AKR1B15: variants seen among roughly 807,000 people sequenced by gnomAD.
The protein encoded by AKR1B15 is aldo-keto reductase family 1 member B15.
AKR1B15 carries 49 observed loss-of-function variants against 38.5 expected under a neutral mutation model. That is an observed-to-expected ratio of 1.27 (90% confidence interval 1.01 to 1.62). AKR1B15 has a LOEUF of 1.62. Ranked by LOEUF, AKR1B15 falls within the 40% of genes most tolerant of loss-of-function variation. AKR1B15 has a pLI of 0.00. For synonymous variants in AKR1B15, 137 were observed against 135.5 expected (o/e 1.01, Z -0.08); for missense variants, 411 against 381.6 (o/e 1.08, Z -0.64).
chr7:134,565,218 CT>C (rs1794505463), intron 3 of AKR1B15: 2 of 482,812 alleles, frequency 4.1e-6, no homozygotes, highest in South Asian at 5.4e-5. Context: ...CCTTTAAGAG[CT>C]ACAACGATCA....
intron 8 of AKR1B15, 138 bp downstream of exon 8, chr7:134,576,065 G>T: frequency 7.0e-7 from 1 of 1,427,018 alleles, no homozygotes; most frequent in East Asian, 2.5e-5. Context: ...CACACAAATG[G>T]GATGGCAGTG....
chr7:134,560,166 A>G (rs555213354), intron 2 of AKR1B15, among the ~76,000 whole-genome samples: 7 of 152,172 alleles, frequency 4.6e-5, no homozygotes, highest in Non-Finnish European at 8.8e-5. Flanking sequence ...AAGAGGTGAA[A>G]TCTATTTCCC....
intron 11 of AKR1B15, among the ~76,000 whole-genome samples, chr7:134,578,427 G>T (rs908295456): frequency 6.6e-6 from 1 of 152,148 alleles, no homozygotes; most frequent in African/African-American, 2.4e-5. Context: ...CAAGCAAGAA[G>T]GCCAGGGAGG....
intron 8 of AKR1B15, 71 bp from the exon 9 acceptor site, chr7:134,576,278 T>C: frequency 6.7e-7 from 1 of 1,494,654 alleles, no homozygotes. Flanking sequence ...CTTGAGACCC[T>C]CATTGGAGTG....
rs373327119 is a variant in AKR1B15 at position 134,576,406 on chromosome 7, A to G, written c.801A>G (p.Ala267=). 9 of 1,614,012 alleles carry G rather than the reference A, an allele frequency of 5.6e-6. No homozygotes were observed. Among genetic ancestry groups the G allele is most frequent in the African/African-American group, 1.3e-5 (1 of 74,922 alleles). Residue 267 remains alanine, a synonymous_variant, in exon 9 of 12, where the codon GCA becomes GCG. Coordinates refer to ENST00000457545, the MANE Select transcript of AKR1B15 (RefSeq NM_001080538.3). ...ATCCCAAGATTAAGGAGATTGCTGCAAAGCACAAAAAAACCACAGCCCAGG... is the reference window on the plus strand; with the variant it reads ...ATCCCAAGATTAAGGAGATTGCTGCGAAGCACAAAAAAACCACAGCCCAGG... The part of the protein sequence containing the change: ...LEDPKIKEIA[A]KHKKTTAQVL...
chr7:134,562,853 T>TCTTTCTTTCTTTCTTTCTTTCTTTCTTA (rs1794442585), intron 2 of AKR1B15, among the ~76,000 whole-genome samples: 3 of 112,274 alleles, frequency 2.7e-5, no homozygotes, highest in Non-Finnish European at 5.6e-5. Flanking sequence ...TTTCTTTCTT[T>TCTTTCTTTCTTTCTTTCTTTCTTTCTTA]CTTTCTTTCT....
intron 5 of AKR1B15, 78 bp downstream of exon 5, chr7:134,569,607 C>A: frequency 7.0e-7 from 1 of 1,435,922 alleles, no homozygotes; most frequent in Non-Finnish European, 9.7e-7. Flanking sequence ...GAGAGACTGG[C>A]TGAAGCCATG....
At chr7:134,578,678 G>T (rs1271922713) in intron 11 of AKR1B15, among the ~76,000 whole-genome samples, 4 of 152,164 alleles carry the variant, frequency 2.6e-5, no homozygotes. Context: ...AAATATTTGT[G>T]TAGCCAAAAA....
At chr7:134,568,128 T>C (rs1427896462) in intron 3 of AKR1B15, 30 bp from the exon 4 acceptor site, 14 of 1,612,884 alleles carry the variant, frequency 8.7e-6, no homozygotes, top group South Asian at 7.7e-5. Flanking sequence ...AAAAAATACA[T>C]GTGTGATGGG....
intron 2 of AKR1B15, among the ~76,000 whole-genome samples, chr7:134,557,740 C>T (rs73451216): frequency 0.06 from 9,170 of 152,196 alleles, 432 homozygotes; most frequent in African/African-American, 0.13. Flanking sequence ...TACACTCCTC[C>T]TCCCCTCTTT....
intron 2 of AKR1B15, among the ~76,000 whole-genome samples, chr7:134,561,510 G>A (rs1188996938): frequency 3.3e-5 from 5 of 152,158 alleles, no homozygotes; most frequent in Non-Finnish European, 7.4e-5. Flanking sequence ...CCCGGACCAT[G>A]CATGTATTAT....
rs1793998606 is a variant in AKR1B15, at chr7:134,551,976, G to C, written c.-147+2727G>C. 2.6e-5 allele frequency among the ~76,000 whole-genome samples: 4 copies of C among 152,288 alleles called. No individual in the cohort carries two copies. The South Asian group carries it at 8.3e-4, about 32-fold the overall frequency. Reference sequence around the variant, plus strand: ...GACCACCACAGTGGGGGGCCAGCCTGTACGCTTCCTAATTGACACCGGGGT... The same window carrying C: ...GACCACCACAGTGGGGGGCCAGCCTCTACGCTTCCTAATTGACACCGGGGT... On this transcript the variant is annotated intron_variant, in intron 1 of 11. Transcript: ENST00000457545.
At chr7:134,561,921 T>TC (rs889355023) in intron 2 of AKR1B15, among the ~76,000 whole-genome samples, 1 of 152,198 alleles carries the variant, frequency 6.6e-6, no homozygotes, top group African/African-American at 2.4e-5. Context: ...CTCCCTAGAC[T>TC]CCATTTCACA....
intron 2 of AKR1B15, 87 bp from the exon 3 acceptor site, chr7:134,564,511 C>A (rs113973677): frequency 0.086 from 46,697 of 544,746 alleles, 3,047 homozygotes; most frequent in East Asian, 0.28. Context: ...GGCTTCTCCC[C>A]TTTCTAGGTC....
At chr7:134,569,759 A>C in intron 5 of AKR1B15, 2 of 456,872 alleles carry the variant, frequency 4.4e-6, no homozygotes, top group East Asian at 4.0e-5. Context: ...CACTTCCCCA[A>C]TCAGTACTTT....
intron 7 of AKR1B15, 81 bp from the exon 8 acceptor site, chr7:134,575,740 T>G (rs1466541060): frequency 1.1e-5 from 18 of 1,589,602 alleles, no homozygotes. Flanking sequence ...CTTGGTGGAC[T>G]TTTTTTGTGT....
At chr7:134,575,674 G>A (rs1794753396) in intron 7 of AKR1B15, 132 bp downstream of exon 7, 1 of 1,577,764 alleles carries the variant, frequency 6.3e-7, no homozygotes, top group Non-Finnish European at 8.6e-7. Context: ...GGAGGTGTGA[G>A]GCTGATCTCA....
intron 1 of AKR1B15, among the ~76,000 whole-genome samples, chr7:134,555,022 TC>T (rs1368105237): frequency 3.3e-5 from 5 of 152,340 alleles, no homozygotes; most frequent in Non-Finnish European, 7.3e-5. Context: ...TAAAGCTCCT[TC>T]CTTTAGCCCT....
intron 2 of AKR1B15, among the ~76,000 whole-genome samples, chr7:134,558,067 A>G (rs74811600): frequency 0.071 from 10,842 of 152,276 alleles, 648 homozygotes; most frequent in East Asian, 0.31. Context: ...AAAACCTCTC[A>G]TGAGGGAAGT....
Sources: allele counts gnomAD v4.1 joint callset (sites outside exome capture counted in the v4.1 genomes callset), GRCh38; gene constraint gnomAD v4.1.1; transcripts MANE v1.5; gene names NCBI Gene and HGNC (gene_info 2026-07-23, HGNC 2026-07-21).